Variants in NFAT5 observed in about 807,000 individuals in gnomAD.
NFAT5 encodes the protein nuclear factor of activated T cells 5.
Under a neutral mutation model 166.5 loss-of-function variants are expected in NFAT5, and 31 were observed. That is an observed-to-expected ratio of 0.19 (90% CI 0.14 to 0.25). The LOEUF (loss-of-function observed/expected upper bound fraction) is 0.25. Ranked by LOEUF, NFAT5 falls within the 10% of genes least tolerant of loss-of-function variation. The probability of loss-of-function intolerance (pLI) is 1.00; values close to 1 mark genes in which losing one functional copy is unlikely to be tolerated. For synonymous variants in NFAT5, 612 were observed against 639.7 expected, an observed-to-expected ratio of 0.96 and a Z score of 0.65; for missense variants, 1,449 against 1,821.8, an observed-to-expected ratio of 0.80 and a Z score of 3.72.
At chr16:69,584,428 A>G (rs2031905257) in intron 2 of NFAT5, among the ~76,000 whole-genome samples, 1 of 151,478 alleles carries the variant, frequency 6.6e-6, no homozygotes, top group Non-Finnish European at 1.5e-5. Context: ...TCCCAGGTTC[A>G]AATGATTTTC....
At chr16:69,623,874 CAG>C (rs1323181540) in intron 2 of NFAT5, among the ~76,000 whole-genome samples, 1 of 116,304 alleles carries the variant, frequency 8.6e-6, no homozygotes, top group Non-Finnish European at 1.8e-5. Context: ...AAAAAAGAAA[CAG>C]ATTCAATAAA....
chr16:69,601,953 T>A (rs1040371352), intron 2 of NFAT5, among the ~76,000 whole-genome samples: 15 of 152,322 alleles, frequency 9.8e-5, no homozygotes, highest in Non-Finnish European at 2.1e-4. Flanking sequence ...TATTATTAGA[T>A]AAGACCACCC....
chr16:69,626,714 T>A (rs2034476376), intron 3 of NFAT5, among the ~76,000 whole-genome samples, 186 bp downstream of exon 3: 1 of 152,228 alleles, frequency 6.6e-6, no homozygotes, highest in Non-Finnish European at 1.5e-5. Flanking sequence ...TTCTTATTTC[T>A]TAAAATTTTA....
Position 69,704,240 on chromosome 16 carries a change from A to C in NFAT5, c.*7889A>C, listed in dbSNP as rs767421422. The C allele has an allele frequency of 6.6e-6, 1 of 152,632 alleles. No individual in the cohort carries two copies. The highest frequency in any genetic ancestry group is 1.5e-5 in the Non-Finnish European group (1 of 68,040). 9.5% of individuals were successfully genotyped at this position (152,632 alleles called of 1,614,324 possible). A position where few individuals can be genotyped will look rare whatever the true frequency, so the allele number is the denominator to read the frequency against. On this transcript the variant is annotated 3_prime_UTR_variant, in exon 15 of 15. Transcript: ENST00000349945. The stretch of plus-strand genomic sequence containing the variant: ...CCAAGTAGTTGCTAATTTTTTGACA[A>C]CTTTAAATGAGTTTCATTCACTTCT...
intron 2 of NFAT5, among the ~76,000 whole-genome samples, chr16:69,580,350 A>C (rs1341201565): frequency 6.6e-6 from 1 of 151,976 alleles, no homozygotes; most frequent in Non-Finnish European, 1.5e-5. Flanking sequence ...CAATACAGTG[A>C]AACTGCATCT....
At chr16:69,688,250 C>G (rs1461068737) in intron 11 of NFAT5, among the ~76,000 whole-genome samples, 1 of 146,844 alleles carries the variant, frequency 6.8e-6, no homozygotes, top group Admixed American at 6.7e-5. Context: ...GCTGCAGGTA[C>G]TCACTCCAGC....
At chr16:69,592,381 A>G (rs935006716) in intron 2 of NFAT5, among the ~76,000 whole-genome samples, 2 of 152,158 alleles carry the variant, frequency 1.3e-5, no homozygotes, top group African/African-American at 4.8e-5. Flanking sequence ...GCTCAATGGT[A>G]ACTACTTTTT....
rs1203957262 is a variant in NFAT5 at position 69,693,109 on chromosome 16, C to T, written c.3284C>T (p.Pro1095Leu). The change falls in exon 13 of 15, where the codon CCT becomes CTT. Residue 1095 changes from proline (P) to leucine (L), a missense_variant. By Grantham distance (98) the Pro-to-Leu change is moderately conservative. Transcript: ENST00000349945. ...SQAQLFHPQN[P>L]IADAQNLSQE... ...GCCCAACTTTTTCATCCTCAAAATC[C>T]TATTGCCGATGCTCAGAACCTTTCC... 1 of 1,614,124 alleles carries T rather than the reference C, an allele frequency of 6.2e-7. No homozygotes were observed. Among genetic ancestry groups the T allele is most frequent in the Non-Finnish European group, 8.5e-7 (1 of 1,180,030 alleles).
rs1384139141 is a variant in NFAT5 at position 69,566,296 on chromosome 16, G to A, written c.-6G>A. Reference sequence around the variant, plus strand: ...CTGCCCTCGGGCCGGGCTGGGTCGAGCTGCGATGCCCTCGGACTTCATCTC... The same window carrying A: ...CTGCCCTCGGGCCGGGCTGGGTCGAACTGCGATGCCCTCGGACTTCATCTC... On this transcript the variant is annotated 5_prime_UTR_variant, in exon 1 of 15. Transcript: ENST00000349945. The surrounding 1 kb of genome is among the most constrained non-coding windows in gnomAD (Gnocchi z 5.7). 6.2e-7 allele frequency: 1 copy of A among 1,602,568 alleles called. No homozygotes were observed. Among genetic ancestry groups the A allele is most frequent in the Non-Finnish European group, 8.5e-7 (1 of 1,176,252 alleles).
At chr16:69,651,552 T>TA (rs1001182060) in intron 4 of NFAT5, among the ~76,000 whole-genome samples, 3 of 152,216 alleles carry the variant, frequency 2.0e-5, no homozygotes, top group African/African-American at 7.2e-5. Flanking sequence ...TGGTTGCTTT[T>TA]AGAGGAGATT....
At position 69,566,089 on chromosome 16, in the gene NFAT5, G is replaced by A. The variant is rs988968697; in HGVS notation, c.-213G>A. 1.2e-5 allele frequency: 6 copies of A among 481,932 alleles called. No individual in the cohort carries two copies. Among genetic ancestry groups the A allele is most frequent in the Admixed American group, 1.2e-4 (3 of 24,880 alleles). The allele number at this position is 481,932 out of a possible 1,614,324, so 29.9% of individuals were successfully genotyped here. On this transcript the variant is annotated 5_prime_UTR_variant, in exon 1 of 15. Transcript: ENST00000349945. This position sits in a 1 kb window ranked among gnomAD's most constrained non-coding sequence, Gnocchi z 5.7. ...GTCCTGAACCCCTCTCCTGGTCACC[G>A]AGAATCAGTCCCCGTGGAGTTCCCC...
At chr16:69,646,363 A>T (rs1185268165) in intron 3 of NFAT5, among the ~76,000 whole-genome samples, 1 of 152,202 alleles carries the variant, frequency 6.6e-6, no homozygotes. Flanking sequence ...TGATTCTCCT[A>T]GATTTTACAA....
intron 4 of NFAT5, chr16:69,648,827 T>A (rs1159464763): frequency 2.1e-6 from 2 of 945,892 alleles, no homozygotes; most frequent in East Asian, 1.2e-4. Flanking sequence ...TGATCTTTTT[T>A]TGGTTAAAAA....
In NFAT5 at chr16:69,656,096, C is replaced by G. The variant is rs546292765; in HGVS notation, c.1196+297C>G. 4.6e-5 allele frequency among the ~76,000 whole-genome samples: 7 copies of G among 152,084 alleles called. No individual in the cohort carries two copies. The East Asian group carries it at 1.4e-3, about 30-fold the overall frequency. ...AGGAGTTAGAGACCAGCCTGGCCAA[C>G]ATGGTGAAACCCTGTCTCTACTGAA... On this transcript the variant is annotated intron_variant, in intron 6 of 14. Transcript: ENST00000349945.
intron 4 of NFAT5, chr16:69,648,068 G>A (rs770091193): frequency 2.4e-4 from 56 of 232,584 alleles, no homozygotes; most frequent in Non-Finnish European, 3.7e-4. Context: ...CCAGCTACTT[G>A]GGAGAACTGA....
chr16:69,670,013 G>A lies in NFAT5; in HGVS notation c.1406G>A (p.Ser469Asn), dbSNP rs775082541. The A allele has an allele frequency of 1.1e-5, 18 of 1,609,172 alleles. No individual in the cohort carries two copies. The highest frequency in any genetic ancestry group is 1.4e-5 in the Non-Finnish European group (17 of 1,178,620). The part of the protein sequence containing the change: ...PAGVPEILKK[S>N]LHSCSVKGEE... ...GGAGTGCCAGAAATCTTAAAGAAAA[G>A]CTTGCATAGCTGTTCAGTGAAAGGA... Residue 469 changes from serine to asparagine, a missense_variant, in exon 8 of 15, where the codon AGC becomes AAC. Coordinates refer to ENST00000349945, the MANE Select transcript of NFAT5 (RefSeq NM_138713.4).
chr16:69,610,034 T>C (rs1250783871), intron 2 of NFAT5, among the ~76,000 whole-genome samples: 1 of 151,548 alleles, frequency 6.6e-6, no homozygotes, highest in East Asian at 1.9e-4. Flanking sequence ...ATAGAGCGAG[T>C]GTCTTGTTGA....
At chr16:69,661,082 CTT>C (rs765529666) in intron 7 of NFAT5, among the ~76,000 whole-genome samples, 5,537 of 127,102 alleles carry the variant, frequency 0.044, 356 homozygotes, top group African/African-American at 0.16. Context: ...CCCCACCACC[CTT>C]TTTTTTTTTT....
Position 69,603,498 on chromosome 16 carries a change from C to T in NFAT5, c.128-22905C>T, listed in dbSNP as rs192491926. Among the ~76,000 whole-genome samples, 5 of 152,198 alleles carry T rather than the reference C, an allele frequency of 3.3e-5. No individual in the cohort carries two copies. The East Asian group carries it at 9.6e-4, about 29-fold the overall frequency. ...ATCAGCCAGGCACGGTGGCTCATGC[C>T]TGTAATCCCAGCACTTTGGGAGGTG... On this transcript the variant is annotated intron_variant, in intron 2 of 14. Transcript: ENST00000349945.
Sources: allele counts gnomAD v4.1 joint callset (sites outside exome capture counted in the v4.1 genomes callset), GRCh38; gene constraint gnomAD v4.1.1; non-coding constraint Gnocchi (gnomAD v3.1); transcripts MANE v1.5; gene names NCBI Gene and HGNC (gene_info 2026-07-23, HGNC 2026-07-21).